CIZ1: variants seen among roughly 807,000 people sequenced by gnomAD.
The protein encoded by CIZ1 is cip1-interacting zinc finger protein.
A neutral mutation model predicts 118.6 loss-of-function variants in CIZ1; 58 were observed. The observed-to-expected ratio is 0.49, with a 90% CI of 0.40 to 0.61. The LOEUF (loss-of-function observed/expected upper bound fraction) is 0.61, where lower values mean the gene tolerates loss of function less well. CIZ1 is among the 20% of genes least tolerant of loss of function. The probability of loss-of-function intolerance (pLI) is 0.00; values close to 1 mark genes in which losing one functional copy is unlikely to be tolerated. For missense variants in CIZ1, 921 were observed against 1,115.9 expected (o/e 0.83, Z 2.49); for synonymous variants, 448 against 443.4 (o/e 1.01, Z -0.13).
chr9:128,185,104 C>G (rs2130993699), intron 5 of CIZ1, among the ~76,000 whole-genome samples: 1 of 152,120 alleles, frequency 6.6e-6, no homozygotes, highest in South Asian at 2.1e-4. Flanking sequence ...CATGGAGAAA[C>G]CCCGTCTTTA....
chr9:128,186,012 G>T (rs1235396381), intron 4 of CIZ1, among the ~76,000 whole-genome samples: 6 of 152,054 alleles, frequency 3.9e-5, no homozygotes, highest in African/African-American at 1.4e-4. Flanking sequence ...TGGGGGTGTT[G>T]CCTTTAGCAT....
In CIZ1 at chr9:128,179,040, C is replaced by T. The variant is rs755852736; in HGVS notation, c.1167G>A (p.Arg389=). 1.3e-5 allele frequency: 21 copies of T among 1,612,892 alleles called. No individual in the cohort carries two copies. The South Asian group carries it at 1.9e-4, about 14-fold the overall frequency. ...VQPQAHSQGP[R]QVQLQQEAEP... Reference sequence around the variant, plus strand: ...CTGCCTCCTGCTGCAGCTGCACCTGCCTTGGGCCCTGTGAATGTGCCTGTG... The same window carrying T: ...CTGCCTCCTGCTGCAGCTGCACCTGTCTTGGGCCCTGTGAATGTGCCTGTG... The change falls in exon 8 of 17, where the codon AGG becomes AGA. Residue 389 remains arginine (R), a synonymous_variant. Transcript: ENST00000372938.
chr9:128,191,872 G>A (rs1308514223), upstream of CIZ1: 5 of 1,462,028 alleles, frequency 3.4e-6, no homozygotes, highest in South Asian at 5.2e-5. This position sits in a 1 kb window ranked among gnomAD's most constrained non-coding sequence, Gnocchi z 5.5. Flanking sequence ...CGGCCGCCGC[G>A]GTCCTGCGAT....
At chr9:128,199,445 A>T (rs921937051) in intron 1 of CIZ1, among the ~76,000 whole-genome samples, 2 of 152,086 alleles carry the variant, frequency 1.3e-5, no homozygotes, top group African/African-American at 4.8e-5. Flanking sequence ...TCACACCTAT[A>T]GTGCCAGCAC....
intron 8 of CIZ1, 63 bp from the exon 9 acceptor site, chr9:128,178,553 C>T (rs886109063): frequency 5.8e-5 from 93 of 1,611,184 alleles, no homozygotes; most frequent in South Asian, 1.1e-4. Flanking sequence ...CTTCTCCGTC[C>T]GCAGCCAGAA....
chr9:128,178,017 A>G (rs1158928938), intron 9 of CIZ1, among the ~76,000 whole-genome samples: 1 of 152,158 alleles, frequency 6.6e-6, no homozygotes, highest in Non-Finnish European at 1.5e-5. Flanking sequence ...CAGGAGGGAA[A>G]GGGTTTGCCC....
At chr9:128,180,600 G>C (rs1707398255) in intron 6 of CIZ1, 77 bp from the exon 7 acceptor site, 1 of 1,415,464 alleles carries the variant, frequency 7.1e-7, no homozygotes, top group East Asian at 2.3e-5. Flanking sequence ...TGGGGCCTGG[G>C]CTCCCCGCCT....
chr9:128,173,386 C>T (rs974817819), intron 11 of CIZ1, among the ~76,000 whole-genome samples: 2 of 151,956 alleles, frequency 1.3e-5, no homozygotes, highest in Admixed American at 6.6e-5. Flanking sequence ...ACCTCATGAT[C>T]CACCCGCCTC....
At chr9:128,188,245 C>T (rs1433915887) in intron 3 of CIZ1, among the ~76,000 whole-genome samples, 6 of 151,614 alleles carry the variant, frequency 4.0e-5, no homozygotes, top group African/African-American at 9.7e-5. Context: ...CTATGGTAAA[C>T]GATCATGCCA....
At chr9:128,174,030 A>AAAAAC (rs1554754836) in intron 11 of CIZ1, among the ~76,000 whole-genome samples, 3 of 149,586 alleles carry the variant, frequency 2.0e-5, no homozygotes, top group Non-Finnish European at 3.0e-5. Context: ...AAAACAAAAA[A>AAAAAC]AAAAAACAAA....
chr9:128,189,456 C>T (rs530140219), intron 3 of CIZ1, among the ~76,000 whole-genome samples: 2 of 152,240 alleles, frequency 1.3e-5, no homozygotes, highest in African/African-American at 4.8e-5. Flanking sequence ...CCTCTCTGGG[C>T]CTCAGTTTCT....
chr9:128,191,009 G>A lies in CIZ1; in HGVS notation c.-5-147C>T, dbSNP rs1833071324. On this transcript the variant is annotated intron_variant, in intron 1 of 16. Transcript: ENST00000372938. The surrounding 1 kb of genome is among the most constrained non-coding windows in gnomAD (Gnocchi z 5.5). ...GCATTCCCAGTCCTGCCAAGAGCCT[G>A]CCACACTCGCTTGGCCCATCCTTCC... The A allele has an allele frequency of 1.6e-6, 2 of 1,228,212 alleles. No individual in the cohort carries two copies. Among genetic ancestry groups the A allele is most frequent in the African/African-American group, 1.5e-5 (1 of 65,502 alleles). The allele number at this position is 1,228,212 out of a possible 1,614,324, so 76.1% of individuals were successfully genotyped here.
chr9:128,178,859 G>A lies in CIZ1; in HGVS notation c.1348C>T (p.Pro450Ser), dbSNP rs143284215. The change falls in exon 8 of 17, where the codon CCA becomes TCA. Residue 450 changes from proline (P) to serine (S), a missense_variant. Coordinates refer to ENST00000372938, the MANE Select transcript of CIZ1 (RefSeq NM_001131016.2). ...GGTGGCTGTACTGACACCTGCGCTG[G>A]AGGATGCTCCTGTGGCTGGACGCTT... ...QPSVQPQEHP[P>S]AQVSVQPPEQ... 3 of 1,614,138 alleles carry A rather than the reference G, an allele frequency of 1.9e-6. No homozygotes were observed. Among genetic ancestry groups the A allele is most frequent in the African/African-American group, 1.3e-5 (1 of 74,936 alleles).
chr9:128,177,638 A>G lies in CIZ1; in HGVS notation c.1746T>C (p.Ala582=). Residue 582 remains alanine, a synonymous_variant, in exon 10 of 17, where the codon GCT becomes GCC. Transcript: ENST00000372938. The part of the protein sequence containing the change: ...PSDSVSSTPA[A]TSTPSKQALQ... ...GGGCCTGCTTAGAGGGAGTGCTGGT[A>G]GCCGCAGGGGTGGAGGAGACGGAGT... The G allele has an allele frequency of 6.4e-7, 1 of 1,574,730 alleles. No individual in the cohort carries two copies. The highest frequency in any genetic ancestry group is 8.6e-7 in the Non-Finnish European group (1 of 1,159,502).
rs45518031 is a variant in CIZ1 at position 128,183,748 on chromosome 9, TTTTGTTTG to T, written c.588+1791_588+1798del. On this transcript the variant is annotated intron_variant, in intron 5 of 16. Transcript: ENST00000372938. Reference sequence around the variant, plus strand: ...TCTACCCTAGTTATGTTTCCTATACTTTTGTTTGTTTGTTTGTTTGTTTGTTTGTTTGT... The same window carrying T: ...TCTACCCTAGTTATGTTTCCTATACTTTTGTTTGTTTGTTTGTTTGTTTGT... 8.4e-3 allele frequency among the ~76,000 whole-genome samples: 1,266 copies of T among 150,984 alleles called. 17 individuals are homozygous for T. Among genetic ancestry groups the T allele is most frequent in the East Asian group, 0.045 (228 of 5,108 alleles).
chr9:128,191,767 G>C (rs1833187289), upstream of CIZ1: 9 of 1,410,358 alleles, frequency 6.4e-6, no homozygotes, highest in Non-Finnish European at 7.4e-6. The surrounding 1 kb of genome is among the most constrained non-coding windows in gnomAD (Gnocchi z 5.5). Flanking sequence ...CGAAGGGGAG[G>C]CTCGGAGACC....
At chr9:128,192,481 T>TC (rs1247650389), upstream of CIZ1, among the ~76,000 whole-genome samples, 3 of 150,018 alleles carry the variant, frequency 2.0e-5, no homozygotes, top group Middle Eastern at 3.4e-3. Context: ...AACCGCTGTA[T>TC]CCCCCCATCC....
upstream of CIZ1, among the ~76,000 whole-genome samples, chr9:128,192,093 T>C (rs904616069): frequency 6.6e-5 from 10 of 151,844 alleles, no homozygotes; most frequent in Non-Finnish European, 1.3e-4. Context: ...TCGAGGCCAA[T>C]TATCAAAAAA....
intron 1 of CIZ1, among the ~76,000 whole-genome samples, chr9:128,201,444 G>A (rs139488099): frequency 4.6e-4 from 70 of 152,156 alleles, no homozygotes; most frequent in Non-Finnish European, 8.7e-4. Flanking sequence ...GTGAGACTCC[G>A]TCTCAAAAAT....
Sources: allele counts gnomAD v4.1 joint callset (sites outside exome capture counted in the v4.1 genomes callset), GRCh38; gene constraint gnomAD v4.1.1; non-coding constraint Gnocchi (gnomAD v3.1); transcripts MANE v1.5; gene names NCBI Gene and HGNC (gene_info 2026-07-23, HGNC 2026-07-21).